The following DDX49 variants were observed in gnomAD, a reference collection of about 807,000 sequenced individuals.
The protein encoded by DDX49 is probable ATP-dependent RNA helicase DDX49.
Under a neutral mutation model 56.3 loss-of-function variants are expected in DDX49, and 50 were observed. That is an observed-to-expected ratio of 0.89 (90% confidence interval 0.71 to 1.12). The LOEUF is 1.12. DDX49 is among the 50% of genes most tolerant of loss of function. The pLI, the probability that DDX49 is intolerant of heterozygous loss-of-function variation, is 0.00. For missense variants in DDX49, 614 were observed against 650.5 expected (o/e 0.94, Z 0.61); for synonymous variants, 269 against 270.6 (o/e 0.99, Z 0.06).
Position 18,928,227 on chromosome 19 carries a change from A to C in DDX49, c.1363A>C (p.Lys455Gln). Reference protein sequence around the residue: ...EKVEETLKRQKAGRAGHKGRP... With the variant: ...EKVEETLKRQQAGRAGHKGRP... ...GGTGGAGGAGACGCTGAAGCGACAG[A>C]AGGCTGGCAGGGCTGGCCACAAGGG... Residue 455 changes from lysine to glutamine, a missense_variant, in exon 13 of 13, where the codon AAG (lysine) becomes CAG (glutamine). Coordinates refer to ENST00000247003, the MANE Select transcript of DDX49 (RefSeq NM_019070.5). 6.3e-7 allele frequency: 1 copy of C among 1,588,178 alleles called. No individual in the cohort carries two copies. Among genetic ancestry groups the C allele is most frequent in the South Asian group, 1.1e-5 (1 of 87,848 alleles).
At chr19:18,920,522 TC>T (rs1601246419) in intron 1 of DDX49, 57 bp from the exon 2 acceptor site, 5 of 1,533,072 alleles carry the variant, frequency 3.3e-6, no homozygotes, top group East Asian at 2.3e-5. Context: ...GGGCAAGGTC[TC>T]TGAAACCCAG....
Position 18,928,310 on chromosome 19 carries a change from G to A in DDX49, c.1446G>A (p.Leu482=), listed in dbSNP as rs1270677058. The change falls in exon 13 of 13, where the codon CTG becomes CTA. Residue 482 remains leucine (L), a synonymous_variant. Coordinates refer to ENST00000247003, the MANE Select transcript of DDX49 (RefSeq NM_019070.5). ...SHSGPVPSQG[L]V is the part of the protein sequence containing the mutation. ...CAGGCCCAGTCCCCTCCCAGGGCCT[G>A]GTCTGAGCCCCACACGGCCATCTGC... is the stretch of plus-strand genomic sequence containing the variant. 2.6e-6 allele frequency: 4 copies of A among 1,547,706 alleles called. No individual in the cohort carries two copies. The East Asian group carries it at 9.4e-5, about 37-fold the overall frequency.
At chr19:18,927,404 T>C (rs1225367637) in intron 10 of DDX49, among the ~76,000 whole-genome samples, 1 of 152,004 alleles carries the variant, frequency 6.6e-6, no homozygotes, top group Non-Finnish European at 1.5e-5. Flanking sequence ...ATCTGGACTT[T>C]AAAGGACACT....
chr19:18,924,148 AGGTGTCTCAGGGGCG>A, intron 6 of DDX49, 70 bp from the exon 7 acceptor site: 2 of 1,321,064 alleles, frequency 1.5e-6, no homozygotes, highest in Non-Finnish European at 2.2e-6. Context: ...CCACTGTGCT[AGGTGTCTCAGGGGCG>A]GGTGGGGGCA....
At position 18,921,876 on chromosome 19, in the gene DDX49, A is replaced by C; in HGVS notation, c.359A>C (p.Lys120Thr). The change falls in exon 4 of 13, where the codon AAA becomes ACA. Residue 120 changes from lysine (K) to threonine (T), a missense_variant. Transcript: ENST00000247003. ...GCCCAGGCGCTGGAGCTCTCTCGGA[A>C]ACCACACGTGGTCATCGCCACGCCG... ...MVAQALELSR[K>T]PHVVIATPGR... 6.2e-7 allele frequency: 1 copy of C among 1,614,048 alleles called. No individual in the cohort carries two copies. The highest frequency in any genetic ancestry group is 8.5e-7 in the Non-Finnish European group (1 of 1,180,014).
At chr19:18,924,500 C>T in intron 7 of DDX49, 123 bp from the exon 8 acceptor site, 1 of 1,210,534 alleles carries the variant, frequency 8.3e-7, no homozygotes, top group East Asian at 2.4e-5. Context: ...CCCGGTCTGA[C>T]TTCTCATGGC....
chr19:18,926,722 CAG>C (rs2056964156), intron 10 of DDX49, among the ~76,000 whole-genome samples: 1 of 152,150 alleles, frequency 6.6e-6, no homozygotes, highest in Non-Finnish European at 1.5e-5. Context: ...GCAGCCAAGA[CAG>C]AGACACTTCC....
At chr19:18,925,045 G>A in intron 9 of DDX49, 66 bp downstream of exon 9, 2 of 1,548,674 alleles carry the variant, frequency 1.3e-6, no homozygotes, top group Non-Finnish European at 1.7e-6. Context: ...GCAAATTCAG[G>A]TGGTAGGACG....
Position 18,925,371 on chromosome 19 carries a change from T to C in DDX49, c.1027+392T>C, listed in dbSNP as rs569133279. Among the ~76,000 whole-genome samples, 20 of 151,590 alleles carry C rather than the reference T, an allele frequency of 1.3e-4. No individual in the cohort carries two copies. The East Asian group carries it at 3.9e-3, about 30-fold the overall frequency. On this transcript the variant is annotated intron_variant, in intron 9 of 12. Coordinates refer to ENST00000247003, the MANE Select transcript of DDX49 (RefSeq NM_019070.5). ...GAGTTCGAGACCAGCCTGGCCAACA[T>C]AGTGAAACACTGTCTTACTAAAAAT...
chr19:18,925,161 A>C (rs73004804), intron 9 of DDX49, 182 bp downstream of exon 9: 32 of 663,598 alleles, frequency 4.8e-5, no homozygotes, highest in Non-Finnish European at 6.1e-5. Flanking sequence ...CGGGAGGCTG[A>C]GGCAAGAAGA....
At chr19:18,923,991 A>G (rs1270332668) in intron 6 of DDX49, among the ~76,000 whole-genome samples, 1 of 151,710 alleles carries the variant, frequency 6.6e-6, no homozygotes, top group African/African-American at 2.4e-5. Flanking sequence ...TGTTTTTAGT[A>G]CAGATGGGGT....
Position 18,921,840 on chromosome 19 carries a change from C to T in DDX49, c.326-3C>T, listed in dbSNP as rs367767340. 5.0e-6 allele frequency: 8 copies of T among 1,614,000 alleles called. No homozygotes were observed. The highest frequency in any genetic ancestry group is 4.2e-6 in the Non-Finnish European group (5 of 1,179,970). On this transcript the variant is annotated splice_polypyrimidine_tract_variant and splice_region_variant and intron_variant, in intron 3 of 12. Coordinates refer to ENST00000247003, the MANE Select transcript of DDX49 (RefSeq NM_019070.5). ...GCCCTGCCTCTCATGCTCTGTCCCCCAGACATGGTGGCCCAGGCGCTGGAG... is the reference window on the plus strand; with the variant it reads ...GCCCTGCCTCTCATGCTCTGTCCCCTAGACATGGTGGCCCAGGCGCTGGAG...
intron 10 of DDX49, among the ~76,000 whole-genome samples, chr19:18,926,894 G>A (rs892238047): frequency 1.3e-5 from 2 of 151,594 alleles, no homozygotes; most frequent in Non-Finnish European, 2.9e-5. Context: ...GCAACATGGT[G>A]AAACCCCGTC....
At position 18,921,716 on chromosome 19, in the gene DDX49, G is replaced by A. The variant is rs768246701; in HGVS notation, c.293G>A (p.Gly98Glu). The change falls in exon 3 of 13, where the codon GGG becomes GAG. Residue 98 changes from glycine to glutamate, a missense_variant. Transcript: ENST00000247003. ...TTCCGGGTCCTGGGGAAGCCTCTAG[G>A]GCTGAAAGACTGCATCATCGTCGGT... ...EQFRVLGKPL[G>E]LKDCIIVGGM... 6.2e-7 allele frequency: 1 copy of A among 1,614,012 alleles called. No individual in the cohort carries two copies. The highest frequency in any genetic ancestry group is 1.3e-5 in the African/African-American group (1 of 74,918).
chr19:18,922,266 G>A, intron 4 of DDX49, 60 bp from the exon 5 acceptor site: 1 of 1,564,258 alleles, frequency 6.4e-7, no homozygotes, highest in South Asian at 1.2e-5. Context: ...CTGCTTCAGG[G>A]GTGGCCAAGA....
intron 9 of DDX49, among the ~76,000 whole-genome samples, 179 bp from the exon 10 acceptor site, chr19:18,926,124 C>T (rs995981295): frequency 6.6e-6 from 1 of 152,222 alleles, no homozygotes. Context: ...AGCGACCCGT[C>T]CTCCACACAG....
In DDX49 at chr19:18,927,975, C is replaced by T. The variant is rs755888557; in HGVS notation, c.1202C>T (p.Ala401Val). Residue 401 changes from alanine (A) to valine (V), a missense_variant, in exon 12 of 13, where the codon GCG becomes GTG. Transcript: ENST00000247003. ...VRRECEIKLE[A>V]AHFDEKKEIN... is the part of the protein sequence containing the mutation. ...ACTTCCCTCCACCAGAAACTGGAGG[C>T]GGCCCACTTTGACGAAAAGAAGGAG... 101 of 1,613,704 alleles carry T rather than the reference C, an allele frequency of 6.3e-5. No individual in the cohort carries two copies. The highest frequency in any genetic ancestry group is 1.6e-4 in the Middle Eastern group (1 of 6,084).
intron 10 of DDX49, among the ~76,000 whole-genome samples, chr19:18,927,070 C>CAAAAAA (rs35034273): frequency 2.7e-5 from 2 of 74,776 alleles, no homozygotes; most frequent in Non-Finnish European, 5.0e-5. Context: ...GACTCTGTCT[C>CAAAAAA]AAAAAAAAAA....
At position 18,921,727 on chromosome 19, in the gene DDX49, T is replaced by C. The variant is rs773889592; in HGVS notation, c.304T>C (p.Cys102Arg). The change falls in exon 3 of 13, where the codon TGC becomes CGC. Residue 102 changes from cysteine to arginine, a missense_variant. Transcript: ENST00000247003. ...GGGGAAGCCTCTAGGGCTGAAAGAC[T>C]GCATCATCGTCGGTGGCATGGGTAC... ...VLGKPLGLKD[C>R]IIVGGMDMVA... 5.6e-6 allele frequency: 9 copies of C among 1,614,038 alleles called. No homozygotes were observed. In the South Asian group the frequency reaches 8.8e-5, roughly 16 times the overall value.
Sources: allele counts gnomAD v4.1 joint callset (sites outside exome capture counted in the v4.1 genomes callset), GRCh38; gene constraint gnomAD v4.1.1; transcripts MANE v1.5; gene names NCBI Gene and HGNC (gene_info 2026-07-23, HGNC 2026-07-21).